Variants in TRAPPC9 observed in about 807,000 individuals in gnomAD.
TRAPPC9 encodes the protein IKK2 binding protein.
A neutral mutation model predicts 124.0 loss-of-function variants in TRAPPC9; 83 were observed. That is an observed-to-expected ratio of 0.67 (90% confidence interval 0.56 to 0.80). TRAPPC9 has a LOEUF of 0.80. Ranked by LOEUF, TRAPPC9 falls within the 30% of genes least tolerant of loss-of-function variation. TRAPPC9 has a pLI of 0.00. For missense variants in TRAPPC9, 1,302 were observed against 1,508.3 expected, an observed-to-expected ratio of 0.86 and a Z score of 2.27; for synonymous variants, 638 against 617.5, an observed-to-expected ratio of 1.03 and a Z score of -0.49.
chr8:140,354,670 T>C (rs1478819230), intron 9 of TRAPPC9, among the ~76,000 whole-genome samples: 2 of 152,208 alleles, frequency 1.3e-5, no homozygotes, highest in Non-Finnish European at 2.9e-5. Context: ...TTCTATTCCA[T>C]ACTTTATTTC....
At chr8:140,046,993 C>G (rs1306508827) in intron 17 of TRAPPC9, among the ~76,000 whole-genome samples, 5 of 152,192 alleles carry the variant, frequency 3.3e-5, no homozygotes, top group African/African-American at 1.2e-4. Flanking sequence ...TCCCGTGGCA[C>G]CTACAATAAA....
chr8:139,767,159 G>A (rs182445813), intron 21 of TRAPPC9, among the ~76,000 whole-genome samples: 226 of 152,300 alleles, frequency 1.5e-3, no homozygotes, highest in African/African-American at 5.3e-3. Context: ...GAGACCTGGC[G>A]AGGCAGGAAT....
At position 139,835,772 on chromosome 8, in the gene TRAPPC9, C is replaced by CA. The variant is rs59433008; in HGVS notation, c.3055+50106dup. Among the ~76,000 whole-genome samples, 250 of 134,960 alleles carry CA rather than the reference C, an allele frequency of 1.9e-3. 1 individual carries two copies. Among genetic ancestry groups the CA allele is most frequent in the South Asian group, 5.8e-3 (23 of 3,940 alleles). The allele number at this position is 134,960 out of a possible 152,430, so 88.5% of individuals were successfully genotyped here. A position where few individuals can be genotyped will look rare whatever the true frequency, so the allele number is the denominator to read the frequency against. On this transcript the variant is annotated intron_variant, in intron 21 of 22. Transcript: ENST00000438773. ...AGAGGGAAAGCTGAAGATTAAAAAA[C>CA]AAAAAAAAAAAAAGCTTCCCTAGAA...
At chr8:140,423,579 TACACACAC>T (rs35333495) in intron 5 of TRAPPC9, among the ~76,000 whole-genome samples, 13 of 145,440 alleles carry the variant, frequency 8.9e-5, no homozygotes, top group Admixed American at 2.7e-4. Context: ...AAATGTGGCA[TACACACAC>T]ACACACACAC....
In TRAPPC9 at chr8:140,352,480, G is replaced by A. The variant is rs184544656; in HGVS notation, c.1495+7570C>T. Among the ~76,000 whole-genome samples, 9 of 152,270 alleles carry A rather than the reference G, an allele frequency of 5.9e-5. No homozygotes were observed. The East Asian group carries it at 7.7e-4, about 13-fold the overall frequency. On this transcript the variant is annotated intron_variant, in intron 9 of 22. Transcript: ENST00000438773. ...GGATTCTGTGCTACTTCCGCTGAACGAGGAACTGGCAGCCTAATCTTGATC... is the reference window on the plus strand; with the variant it reads ...GGATTCTGTGCTACTTCCGCTGAACAAGGAACTGGCAGCCTAATCTTGATC...
chr8:140,287,880 G>C (rs1005592629), intron 12 of TRAPPC9, 146 bp from the exon 13 acceptor site: 6 of 1,172,642 alleles, frequency 5.1e-6, no homozygotes, highest in Non-Finnish European at 7.4e-6. Flanking sequence ...TTCGGAGACA[G>C]TGTACAGTGT....
chr8:140,427,379 T>TCTCA (rs144500944), intron 4 of TRAPPC9, among the ~76,000 whole-genome samples: 166 of 148,536 alleles, frequency 1.1e-3, no homozygotes, highest in African/African-American at 3.7e-3. Context: ...TATCTCTCTC[T>TCTCA]CACACACACA....
At chr8:140,364,100 A>C (rs1012001675) in intron 8 of TRAPPC9, among the ~76,000 whole-genome samples, 1 of 152,130 alleles carries the variant, frequency 6.6e-6, no homozygotes, top group African/African-American at 2.4e-5. Flanking sequence ...GGCAGGAAGG[A>C]CAGGGAAGAG....
At chr8:139,845,085 T>C (rs1053170998) in intron 21 of TRAPPC9, among the ~76,000 whole-genome samples, 1 of 152,360 alleles carries the variant, frequency 6.6e-6, no homozygotes, top group Admixed American at 6.5e-5. Context: ...AACACGGAGC[T>C]GAGTTTCTCC....
intron 13 of TRAPPC9, among the ~76,000 whole-genome samples, chr8:140,286,011 C>T (rs2065473497): frequency 6.6e-6 from 1 of 152,232 alleles, no homozygotes; most frequent in African/African-American, 2.4e-5. Flanking sequence ...GAGCGAGACA[C>T]ACGAGGCCAG....
intron 2 of TRAPPC9, among the ~76,000 whole-genome samples, chr8:140,440,635 C>T (rs921988645): frequency 7.9e-5 from 12 of 152,306 alleles, no homozygotes; most frequent in African/African-American, 2.9e-4. Flanking sequence ...TCTATACACA[C>T]ACAGCCAGAG....
At chr8:140,457,395 G>A (rs1564039301) in intron 1 of TRAPPC9, among the ~76,000 whole-genome samples, 2 of 152,190 alleles carry the variant, frequency 1.3e-5, no homozygotes, top group African/African-American at 4.8e-5. Context: ...AGTCTTCAGC[G>A]GGTGTGGGAC....
intron 2 of TRAPPC9, among the ~76,000 whole-genome samples, chr8:140,445,616 GCCA>G (rs1474663834): frequency 6.6e-6 from 1 of 152,196 alleles, no homozygotes; most frequent in Non-Finnish European, 1.5e-5. Context: ...GGTTAAACCA[GCCA>G]CCACTGGATC....
chr8:140,340,117 G>T (rs2067151736), intron 9 of TRAPPC9, among the ~76,000 whole-genome samples: 1 of 152,208 alleles, frequency 6.6e-6, no homozygotes, highest in African/African-American at 2.4e-5. Flanking sequence ...AAAGTACTGG[G>T]ATTTACAGGC....
At chr8:139,796,535 C>T (rs974802880) in intron 21 of TRAPPC9, among the ~76,000 whole-genome samples, 2 of 152,226 alleles carry the variant, frequency 1.3e-5, no homozygotes, top group African/African-American at 4.8e-5. Context: ...GCGTTTTTCA[C>T]TTAGCATAAT....
intron 16 of TRAPPC9, among the ~76,000 whole-genome samples, chr8:140,234,707 T>C (rs1484803733): frequency 2.0e-5 from 3 of 152,352 alleles, no homozygotes; most frequent in African/African-American, 7.2e-5. Flanking sequence ...TTTAAGACCG[T>C]ATGACATAAT....
intron 17 of TRAPPC9, among the ~76,000 whole-genome samples, chr8:140,076,356 G>A (rs1843509357): frequency 6.6e-6 from 1 of 152,166 alleles, no homozygotes; most frequent in South Asian, 2.1e-4. Flanking sequence ...ACTCTCCAGT[G>A]ACACCACCGT....
At chr8:139,983,992 C>T (rs1253779201) in intron 19 of TRAPPC9, among the ~76,000 whole-genome samples, 1 of 152,196 alleles carries the variant, frequency 6.6e-6, no homozygotes, top group Admixed American at 6.5e-5. Flanking sequence ...ATACTATTTC[C>T]ATCCTCTCTT....
chr8:140,193,733 G>A (rs2062559403), intron 17 of TRAPPC9, among the ~76,000 whole-genome samples: 2 of 151,648 alleles, frequency 1.3e-5, no homozygotes, highest in African/African-American at 2.4e-5. Flanking sequence ...CTAATGGGAA[G>A]AGCATGCACT....
Sources: gnomAD v4.1 joint callset for allele counts (sites outside exome capture counted in the v4.1 genomes callset) on GRCh38, gnomAD v4.1.1 for gene constraint, MANE v1.5 for transcripts, NCBI Gene and HGNC (gene_info 2026-07-23, HGNC 2026-07-21) for gene names.